CIMAP2: variants seen among roughly 807,000 people sequenced by gnomAD.
The protein encoded by CIMAP2 is ciliary microtubule-associated protein 2.
chr1:54,834,129 T>C, the CIMAP2 span, among the ~76,000 whole-genome samples: 1 of 152,160 alleles, frequency 6.6e-6, no homozygotes, highest in Non-Finnish European at 1.5e-5. Flanking sequence ...TAAGCCACCA[T>C]GCCTGGCCTA....
the CIMAP2 span, among the ~76,000 whole-genome samples, chr1:54,832,960 G>A: frequency 6.6e-6 from 1 of 152,110 alleles, no homozygotes; most frequent in Non-Finnish European, 1.5e-5. Context: ...CTAGGAGGTT[G>A]AGGCTGCGGT....
chr1:54,811,765 G>GCGGGGGGGGGGGCCCCCCCC, the CIMAP2 span: 1 of 1,301,320 alleles, frequency 7.7e-7, no homozygotes. Context: ...GGTTCTGACA[G>GCGGGGGGGGGGGCCCCCCCC]CCTCCATGCC....
At chr1:54,824,280 G>A in the CIMAP2 span, among the ~76,000 whole-genome samples, 23 of 152,134 alleles carry the variant, frequency 1.5e-4, no homozygotes, top group South Asian at 4.8e-3. Flanking sequence ...CTCCTGCCTC[G>A]GCCTCCCAAA....
the CIMAP2 span, chr1:54,812,133 GAC>G: frequency 7.4e-6 from 12 of 1,614,200 alleles, no homozygotes; most frequent in Non-Finnish European, 1.0e-5. Context: ...CGGCCCCTAT[GAC>G]ACTTTCTCTG....
At chr1:54,811,766 C>A in the CIMAP2 span, 1 of 1,305,182 alleles carries the variant, frequency 7.7e-7, no homozygotes, top group Non-Finnish European at 1.1e-6. Context: ...GTTCTGACAG[C>A]CTCCATGCCC....
chr1:54,838,817 G>A, the CIMAP2 span, among the ~76,000 whole-genome samples: 4 of 152,130 alleles, frequency 2.6e-5, no homozygotes, highest in Non-Finnish European at 4.4e-5. Flanking sequence ...GGGTTTGAGA[G>A]AGGAAGTGTG....
chr1:54,819,900 T>C, the CIMAP2 span, among the ~76,000 whole-genome samples: 1 of 144,072 alleles, frequency 6.9e-6, no homozygotes, highest in Admixed American at 6.9e-5. Flanking sequence ...CTTCCTTCCT[T>C]CTTTCCTTTC....
At chr1:54,842,057 TC>T in the CIMAP2 span, 109 of 627,690 alleles carry the variant, frequency 1.7e-4, no homozygotes, top group East Asian at 2.9e-3. Context: ...CACAGTGTCT[TC>T]CGGGACAGCT....
chr1:54,821,327 C>T, the CIMAP2 span, among the ~76,000 whole-genome samples: 1 of 152,098 alleles, frequency 6.6e-6, no homozygotes. Context: ...AAGTTTTTCC[C>T]TTATGTTTTA....
At chr1:54,811,773 G>GCCTCCCCC in the CIMAP2 span, 1 of 1,325,050 alleles carries the variant, frequency 7.5e-7, no homozygotes, top group Non-Finnish European at 1.0e-6. Flanking sequence ...CAGCCTCCAT[G>GCCTCCCCC]CCCCCACCCC....
the CIMAP2 span, among the ~76,000 whole-genome samples, chr1:54,833,649 G>T: frequency 6.6e-6 from 1 of 152,118 alleles, no homozygotes; most frequent in Non-Finnish European, 1.5e-5. Context: ...CATAAATGTG[G>T]TTGACTGATG....
chr1:54,826,412 C>A, the CIMAP2 span, among the ~76,000 whole-genome samples: 1 of 152,176 alleles, frequency 6.6e-6, no homozygotes, highest in Admixed American at 6.5e-5. Flanking sequence ...TGGAACACTG[C>A]AGCTGTCTGA....
At chr1:54,807,399 G>T in the CIMAP2 span, 2 of 1,225,412 alleles carry the variant, frequency 1.6e-6, no homozygotes, top group Non-Finnish European at 2.2e-6. Flanking sequence ...TTAGTGCTGA[G>T]GGTGGGAGCC....
the CIMAP2 span, among the ~76,000 whole-genome samples, chr1:54,819,814 T>TTTTTTC: frequency 1.3e-5 from 1 of 76,828 alleles, no homozygotes; most frequent in Non-Finnish European, 3.2e-5. Context: ...CTTTTTCTTT[T>TTTTTTC]TCTTTCTTTC....
chr1:54,837,870 A>T, the CIMAP2 span, among the ~76,000 whole-genome samples: 1 of 151,046 alleles, frequency 6.6e-6, no homozygotes, highest in Admixed American at 6.6e-5. Flanking sequence ...TTCTGTCCCT[A>T]ATCTATACAG....
At chr1:54,819,141 A>G in the CIMAP2 span, among the ~76,000 whole-genome samples, 1 of 152,104 alleles carries the variant, frequency 6.6e-6, no homozygotes, top group Non-Finnish European at 1.5e-5. Context: ...CTGTGGGACT[A>G]TTCAGCTTCT....
At chr1:54,808,778 A>G in the CIMAP2 span, among the ~76,000 whole-genome samples, 1 of 151,826 alleles carries the variant, frequency 6.6e-6, no homozygotes, top group Non-Finnish European at 1.5e-5. Context: ...TGAGGCTGAC[A>G]CTCAGTAAGG....
At chr1:54,827,141 A>T in the CIMAP2 span, among the ~76,000 whole-genome samples, 79 of 152,350 alleles carry the variant, frequency 5.2e-4, no homozygotes, top group African/African-American at 1.7e-3. Context: ...TAAAACCAGG[A>T]CCAGAGAGAG....
the CIMAP2 span, chr1:54,806,113 T>G: frequency 6.5e-7 from 1 of 1,528,778 alleles, no homozygotes; most frequent in East Asian, 2.5e-5. Context: ...CGCGCAGGCC[T>G]GCCATGAGGG....
Sources: allele counts gnomAD v4.1 joint callset (sites outside exome capture counted in the v4.1 genomes callset), GRCh38; gene constraint gnomAD v4.1.1; transcripts MANE v1.5; gene names NCBI Gene and HGNC (gene_info 2026-07-23, HGNC 2026-07-21).